The following NAV3 variants were observed in gnomAD, a reference collection of about 807,000 sequenced individuals.
NAV3 encodes the protein pore membrane and/or filament interacting like protein 1.
NAV3 carries 87 observed loss-of-function variants against 244.7 expected under a neutral mutation model. The observed-to-expected ratio is 0.36, with a 90% CI of 0.30 to 0.42. The LOEUF (loss-of-function observed/expected upper bound fraction) is 0.42, where lower values mean the gene tolerates loss of function less well. Ranked by LOEUF, NAV3 falls within the 20% of genes least tolerant of loss-of-function variation. The pLI is 1.00. For missense variants in NAV3, 2,663 were observed against 2,893.3 expected (o/e 0.92, Z 1.83); for synonymous variants, 1,126 against 1,042.2 (o/e 1.08, Z -1.55).
chr12:77,609,575 G>A (rs981282034), intron 2 of NAV3, among the ~76,000 whole-genome samples: 3 of 151,986 alleles, frequency 2.0e-5, no homozygotes, highest in Admixed American at 6.6e-5. Flanking sequence ...TTAGCTTATA[G>A]GGCCCGATCC....
intron 2 of NAV3, among the ~76,000 whole-genome samples, chr12:77,724,149 C>T (rs1047899952): frequency 6.6e-6 from 1 of 151,836 alleles, no homozygotes; most frequent in Non-Finnish European, 1.5e-5. Flanking sequence ...ATTACTAATA[C>T]TAAATAATAC....
intron 1 of NAV3, among the ~76,000 whole-genome samples, chr12:77,903,405 A>T (rs1200163430): frequency 1.3e-5 from 2 of 152,198 alleles, no homozygotes; most frequent in Non-Finnish European, 2.9e-5. Flanking sequence ...AGGATTCCCT[A>T]TTTGATAAAT....
At chr12:77,785,370 T>A (rs1194702506) in intron 2 of NAV3, among the ~76,000 whole-genome samples, 1 of 152,012 alleles carries the variant, frequency 6.6e-6, no homozygotes, top group Non-Finnish European at 1.5e-5. Context: ...CCCATGACAA[T>A]GTACAGTGCC....
chr12:77,947,192 G>A (rs895248603), intron 3 of NAV3, among the ~76,000 whole-genome samples: 5 of 151,998 alleles, frequency 3.3e-5, no homozygotes, highest in African/African-American at 9.6e-5. Context: ...TTCCATGTCC[G>A]ATAGGGTTAT....
chr12:77,934,406 TA>T (rs879692691), intron 1 of NAV3, among the ~76,000 whole-genome samples: 12 of 150,640 alleles, frequency 8.0e-5, no homozygotes, highest in South Asian at 2.1e-4. Flanking sequence ...TGGGAAATTA[TA>T]AAAAAAAAGT....
At chr12:77,589,247 AC>A (rs1331187630) in intron 2 of NAV3, among the ~76,000 whole-genome samples, 2 of 152,170 alleles carry the variant, frequency 1.3e-5, no homozygotes, top group African/African-American at 4.8e-5. Flanking sequence ...TGAGTTAATC[AC>A]ATTGAACCTC....
chr12:78,149,353 G>A (rs1391610079), intron 22 of NAV3, among the ~76,000 whole-genome samples: 1 of 152,008 alleles, frequency 6.6e-6, no homozygotes, highest in Non-Finnish European at 1.5e-5. Context: ...ATGAAATTAG[G>A]TCTAAATAGG....
intron 2 of NAV3, among the ~76,000 whole-genome samples, chr12:77,658,010 G>C (rs1379206955): frequency 6.6e-6 from 1 of 152,002 alleles, no homozygotes; most frequent in African/African-American, 2.4e-5. Context: ...CATACTGAAT[G>C]GGCAAAAACT....
chr12:78,007,367 G>T lies in NAV3; in HGVS notation c.1829G>T (p.Gly610Val). The T allele has an allele frequency of 1.2e-6, 2 of 1,614,166 alleles. No individual in the cohort carries two copies. The highest frequency in any genetic ancestry group is 1.7e-6 in the Non-Finnish European group (2 of 1,180,030). Residue 610 changes from glycine to valine, a missense_variant, in exon 8 of 40, where the codon GGA becomes GTA. By Grantham distance (109) the Gly-to-Val change is moderately radical (BLOSUM62 -3). Transcript: ENST00000397909. ...GCACAAAGCAGTGGGCAGAGCACAGGAAATGGTGCTGTCCAACTCCCTCAA... is the reference window on the plus strand; with the variant it reads ...GCACAAAGCAGTGGGCAGAGCACAGTAAATGGTGCTGTCCAACTCCCTCAA... The part of the protein sequence containing the change: ...TVAQSSGQST[G>V]NGAVQLPQQQ...
intron 12 of NAV3, among the ~76,000 whole-genome samples, chr12:78,062,163 G>A (rs1884416797): frequency 6.6e-6 from 1 of 152,042 alleles, no homozygotes; most frequent in Non-Finnish European, 1.5e-5. Flanking sequence ...GTTAAATGTA[G>A]AATAATATCC....
At chr12:77,879,868 T>A (rs1343052792) in intron 1 of NAV3, among the ~76,000 whole-genome samples, 1 of 152,128 alleles carries the variant, frequency 6.6e-6, no homozygotes, top group Non-Finnish European at 1.5e-5. Context: ...AATTTTGTAG[T>A]ACACAGCAGG....
chr12:78,176,292 C>T (rs1487098038), intron 25 of NAV3, 147 bp from the exon 26 acceptor site: 2 of 629,892 alleles, frequency 3.2e-6, no homozygotes, highest in East Asian at 6.3e-5. Context: ...ACATAATTAT[C>T]AGAGGATTTT....
At chr12:77,880,896 C>T (rs1185756822) in intron 1 of NAV3, among the ~76,000 whole-genome samples, 7 of 152,094 alleles carry the variant, frequency 4.6e-5, no homozygotes, top group South Asian at 2.1e-4. Context: ...CCTAAGAAGG[C>T]GTTTCTTAGA....
rs369402573 is a variant in NAV3 at position 78,043,632 on chromosome 12, C to T, written c.2024-6361C>T. ...TTTTAATGATCGCCATTCTAACCGG[C>T]GTGAGATGGTATCTCATTGTGGTTT... On this transcript the variant is annotated intron_variant, in intron 9 of 39. Transcript: ENST00000397909. Among the ~76,000 whole-genome samples the T allele has an allele frequency of 5.5e-4, 84 of 152,172 alleles. No homozygotes were observed. The South Asian group carries it at 0.011, about 19-fold the overall frequency.
At chr12:77,632,799 T>C (rs1871972761) in intron 2 of NAV3, among the ~76,000 whole-genome samples, 1 of 152,196 alleles carries the variant, frequency 6.6e-6, no homozygotes, top group Admixed American at 6.5e-5. Context: ...TTTATATGTA[T>C]ATTGATTTTT....
Position 78,137,217 on chromosome 12 carries a change from C to T in NAV3, c.4482C>T (p.Pro1494=). Residue 1494 remains proline, a synonymous_variant, in exon 19 of 40, where the codon CCC becomes CCT. Transcript: ENST00000397909. The stretch of plus-strand genomic sequence containing the variant: ...TGTCTCAGTTTAACCTTCCCGGGCC[C>T]AGCATGATGCGCTCAAACAGCATCC... ...TNLSQFNLPG[P]SMMRSNSIPA... The T allele has an allele frequency of 6.2e-7, 1 of 1,613,114 alleles. No homozygotes were observed. The highest frequency in any genetic ancestry group is 2.2e-5 in the East Asian group (1 of 44,832).
chr12:77,925,920 C>T (rs1888169190), intron 1 of NAV3, among the ~76,000 whole-genome samples: 1 of 152,164 alleles, frequency 6.6e-6, no homozygotes, highest in East Asian at 1.9e-4. Flanking sequence ...AGGATGCCCT[C>T]TAGTGGGGAT....
At chr12:77,585,657 A>G (rs1302260273) in intron 2 of NAV3, among the ~76,000 whole-genome samples, 2 of 152,102 alleles carry the variant, frequency 1.3e-5, no homozygotes, top group African/African-American at 4.8e-5. Flanking sequence ...ACTCACTCCT[A>G]CGAGAACCTA....
intron 3 of NAV3, among the ~76,000 whole-genome samples, chr12:77,946,239 ATGTG>A (rs763160031): frequency 4.4e-5 from 5 of 112,658 alleles, no homozygotes; most frequent in African/African-American, 1.4e-4. Context: ...ATATGTGCGT[ATGTG>A]TGTGTGTGTG....
Sources: gnomAD v4.1 joint callset for allele counts (sites outside exome capture counted in the v4.1 genomes callset) on GRCh38, gnomAD v4.1.1 for gene constraint, MANE v1.5 for transcripts, NCBI Gene and HGNC (gene_info 2026-07-23, HGNC 2026-07-21) for gene names.